The following PIP5K1B variants were observed in gnomAD, a reference collection of about 807,000 sequenced individuals.
The protein encoded by PIP5K1B is phosphatidylinositol 4-phosphate 5-kinase type-1 beta.
A neutral mutation model predicts 67.0 loss-of-function variants in PIP5K1B; 42 were observed. The observed-to-expected ratio is 0.63, with a 90% CI of 0.49 to 0.81. The LOEUF is 0.81. Ranked by LOEUF, PIP5K1B falls within the 30% of genes least tolerant of loss-of-function variation. PIP5K1B has a pLI of 0.00. For synonymous variants in PIP5K1B, 214 were observed against 231.4 expected (o/e 0.92, Z 0.68); for missense variants, 459 against 646.3 (o/e 0.71, Z 3.14).
chr9:68,717,641 TA>T (rs1210858294), intron 1 of PIP5K1B, among the ~76,000 whole-genome samples: 2 of 152,120 alleles, frequency 1.3e-5, no homozygotes, highest in East Asian at 3.9e-4. Context: ...ATCTCCTTTA[TA>T]AGAGCCCGAA....
intron 12 of PIP5K1B, among the ~76,000 whole-genome samples, chr9:68,933,755 T>C (rs1232435894): frequency 6.6e-6 from 1 of 152,200 alleles, no homozygotes; most frequent in East Asian, 1.9e-4. Context: ...GATGATGATA[T>C]TATTATGATT....
At position 68,919,693 on chromosome 9, in the gene PIP5K1B, GT is replaced by G; in HGVS notation, c.1082del (p.Leu361Ter). 6.4e-7 allele frequency: 1 copy of G among 1,556,352 alleles called. No individual in the cohort carries two copies. The highest frequency in any genetic ancestry group is 8.9e-7 in the Non-Finnish European group (1 of 1,128,632). The part of the protein sequence containing the change: ...ILQSYRLMKK[L>X]EHSWKALVYD... Reference sequence around the variant, plus strand: ...CATTTATATTTAGGTTAATGAAGAAGTTAGAACATTCCTGGAAAGCTCTTGT... The same window carrying G: ...CATTTATATTTAGGTTAATGAAGAAGTAGAACATTCCTGGAAAGCTCTTGT... On this transcript the variant is annotated frameshift_variant, in exon 11 of 16. Transcript: ENST00000265382. LOFTEE classifies it high-confidence loss of function.
intron 2 of PIP5K1B, among the ~76,000 whole-genome samples, chr9:68,764,943 A>T (rs11143645): frequency 0.13 from 19,045 of 151,918 alleles, 1,325 homozygotes; most frequent in Non-Finnish European, 0.16. Context: ...TTTTTATTTT[A>T]AAAAAAAGTG....
At chr9:68,902,337 G>A (rs923142349) in intron 8 of PIP5K1B, among the ~76,000 whole-genome samples, 1 of 151,978 alleles carries the variant, frequency 6.6e-6, no homozygotes, top group East Asian at 1.9e-4. Flanking sequence ...TTATCTTTTC[G>A]AGAATGCTGT....
chr9:68,949,728 G>A (rs916249596), intron 14 of PIP5K1B, among the ~76,000 whole-genome samples: 1 of 152,190 alleles, frequency 6.6e-6, no homozygotes, highest in Non-Finnish European at 1.5e-5. Context: ...TGTGAATCGG[G>A]CAGCCCCCAG....
In PIP5K1B at chr9:68,713,119, C is replaced by T. The variant is rs1827469065; in HGVS notation, c.-243+7357C>T. On this transcript the variant is annotated intron_variant, in intron 1 of 15. Transcript: ENST00000265382. Reference sequence around the variant, plus strand: ...GAATTTGTTAGAAATGCAGATGAGGCCAGGCGCGGTGGCTCACAACTATAA... The same window carrying T: ...GAATTTGTTAGAAATGCAGATGAGGTCAGGCGCGGTGGCTCACAACTATAA... Among the ~76,000 whole-genome samples, 2 of 152,198 alleles carry T rather than the reference C, an allele frequency of 1.3e-5. 1 individual carries two copies. The highest frequency in any genetic ancestry group is 4.2e-4 in the South Asian group (2 of 4,818).
rs1827084056 is a variant in PIP5K1B at position 68,705,604 on chromosome 9, G to GCCCGCCGCCCCCTCCGCCCTCCCGCCCCT, written c.-394_-366dup. On this transcript the variant is annotated 5_prime_UTR_variant, in exon 1 of 16. Transcript: ENST00000265382. Reference sequence around the variant, plus strand: ...CAGCGTTGCCCCCGGCCCCGGCCCCGCCCGCCGCCCCCTCCGCCCTCCCGC... The same window carrying GCCCGCCGCCCCCTCCGCCCTCCCGCCCCT: ...CAGCGTTGCCCCCGGCCCCGGCCCCGCCCGCCGCCCCCTCCGCCCTCCCGCCCCTCCCGCCGCCCCCTCCGCCCTCCCGC... The GCCCGCCGCCCCCTCCGCCCTCCCGCCCCT allele has an allele frequency of 7.9e-5, 1 of 12,588 alleles. No individual in the cohort carries two copies. The highest frequency in any genetic ancestry group is 8.3e-4 in the Admixed American group (1 of 1,208). The allele number at this position is 12,588 out of a possible 1,614,324, so 0.8% of individuals were successfully genotyped here.
chr9:68,781,984 C>T (rs955668395), intron 2 of PIP5K1B: 1 of 167,052 alleles, frequency 6.0e-6, no homozygotes. Flanking sequence ...AGTTGTGCCT[C>T]AGTTCCAGAA....
chr9:68,920,669 A>T (rs1394643254), intron 11 of PIP5K1B, among the ~76,000 whole-genome samples: 1 of 151,840 alleles, frequency 6.6e-6, no homozygotes, highest in African/African-American at 2.4e-5. Flanking sequence ...CGCCCAGCCA[A>T]GAATGTCTTA....
intron 14 of PIP5K1B, chr9:68,963,294 G>A: frequency 2.2e-6 from 1 of 450,384 alleles, no homozygotes; most frequent in Admixed American, 2.4e-5. Flanking sequence ...CTTGAGTCCG[G>A]AAGTTCAAGA....
intron 12 of PIP5K1B, among the ~76,000 whole-genome samples, chr9:68,930,400 G>GACC (rs1224515265): frequency 6.6e-6 from 1 of 151,972 alleles, no homozygotes; most frequent in Admixed American, 6.6e-5. Context: ...TCTTATGGAA[G>GACC]ACCACCACAA....
chr9:68,787,811 TTAG>T (rs1468839334), intron 2 of PIP5K1B, among the ~76,000 whole-genome samples: 15 of 152,250 alleles, frequency 9.9e-5, no homozygotes, highest in Admixed American at 1.3e-4. Flanking sequence ...TTTTGTATTT[TTAG>T]TAGAGACGGG....
At chr9:68,723,107 T>C (rs1036814146) in intron 1 of PIP5K1B, among the ~76,000 whole-genome samples, 5 of 152,126 alleles carry the variant, frequency 3.3e-5, no homozygotes, top group African/African-American at 1.2e-4. Flanking sequence ...GTTTCCACCA[T>C]GTTGCTACAA....
intron 12 of PIP5K1B, among the ~76,000 whole-genome samples, chr9:68,926,032 C>T (rs1167830328): frequency 1.3e-5 from 2 of 151,650 alleles, no homozygotes; most frequent in African/African-American, 4.8e-5. Context: ...CAGCCTCAAG[C>T]GACCCACCCA....
At chr9:68,820,375 G>T (rs1833676699) in intron 3 of PIP5K1B, among the ~76,000 whole-genome samples, 1 of 152,166 alleles carries the variant, frequency 6.6e-6, no homozygotes, top group Non-Finnish European at 1.5e-5. Context: ...TGTCCTGGAA[G>T]ACTCTATTCT....
chr9:68,881,952 C>T (rs532809412), intron 6 of PIP5K1B, among the ~76,000 whole-genome samples: 3 of 152,290 alleles, frequency 2.0e-5, no homozygotes, highest in Non-Finnish European at 2.9e-5. Flanking sequence ...TTCATACTAT[C>T]GGGGGAAGAA....
At position 68,780,368 on chromosome 9, in the gene PIP5K1B, C is replaced by T. The variant is rs1157457740; in HGVS notation, c.-86+37711C>T. Reference sequence around the variant, plus strand: ...GGAACAGCACAACGTTCCCGAGCCGCCACGGCCTGCTGCTGCCGGCCTCCC... The same window carrying T: ...GGAACAGCACAACGTTCCCGAGCCGTCACGGCCTGCTGCTGCCGGCCTCCC... On this transcript the variant is annotated intron_variant, in intron 2 of 15. Transcript: ENST00000265382. 3.1e-6 allele frequency: 5 copies of T among 1,613,096 alleles called. No homozygotes were observed. The Admixed American group carries it at 8.3e-5, about 27-fold the overall frequency.
chr9:68,975,556 C>T (rs528165660), intron 14 of PIP5K1B, among the ~76,000 whole-genome samples: 30 of 152,272 alleles, frequency 2.0e-4, no homozygotes, highest in African/African-American at 5.3e-4. Context: ...GCCTATTTGC[C>T]GAGGCCAGCT....
At chr9:68,914,012 A>G (rs1428036860) in intron 8 of PIP5K1B, among the ~76,000 whole-genome samples, 1 of 152,302 alleles carries the variant, frequency 6.6e-6, no homozygotes, top group Admixed American at 6.5e-5. Flanking sequence ...CCGGGAAAAA[A>G]GACTGCAAGT....
Sources: allele counts gnomAD v4.1 joint callset (sites outside exome capture counted in the v4.1 genomes callset), GRCh38; gene constraint gnomAD v4.1.1; transcripts MANE v1.5; gene names NCBI Gene and HGNC (gene_info 2026-07-23, HGNC 2026-07-21).